BIN1: variants seen among roughly 807,000 people sequenced by gnomAD.
BIN1 encodes bridging integrator 1.
Under a neutral mutation model 82.0 loss-of-function variants are expected in BIN1, and 53 were observed. That is an observed-to-expected ratio of 0.65 (90% CI 0.52 to 0.81). The LOEUF is 0.81. BIN1 is among the 40% of genes least tolerant of loss of function. The pLI is 0.00. For missense variants in BIN1, 642 were observed against 784.4 expected (o/e 0.82, Z 2.17); for synonymous variants, 302 against 328.0 (o/e 0.92, Z 0.86).
At chr2:127,062,319 C>A in intron 9 of BIN1, 122 bp from the exon 10 acceptor site, 1 of 1,004,494 alleles carries the variant, frequency 1.0e-6, no homozygotes, top group Non-Finnish European at 1.5e-6. Flanking sequence ...CTCCTCTTTC[C>A]CCATCTGTGA....
At chr2:127,076,836 T>G in intron 1 of BIN1, 130 bp from the exon 2 acceptor site, 73 of 1,042,018 alleles carry the variant, frequency 7.0e-5, no homozygotes, top group Middle Eastern at 2.9e-4. Context: ...CAGCCCAGGG[T>G]GCCCACCCAG....
Position 127,065,096 on chromosome 2 carries a change from G to A in BIN1, c.613-1078C>T, listed in dbSNP as rs3754613. 5.3e-5 allele frequency among the ~76,000 whole-genome samples: 8 copies of A among 152,302 alleles called. No individual in the cohort carries two copies. The East Asian group carries it at 9.7e-4, about 18-fold the overall frequency. On this transcript the variant is annotated intron_variant, in intron 7 of 18. Transcript: ENST00000316724. ...AAGGCCACTTAACCACAAAGCACAC[G>A]ATTGCCCCAAGCCCAGCCAGCTGTC...
At chr2:127,069,079 G>A (rs765601856) in intron 5 of BIN1, 48 bp from the exon 6 acceptor site, 3 of 1,561,424 alleles carry the variant, frequency 1.9e-6, no homozygotes, top group Non-Finnish European at 2.6e-6. Flanking sequence ...CACCCCTGCT[G>A]AGACTCCAGG....
intron 1 of BIN1, among the ~76,000 whole-genome samples, chr2:127,084,689 C>A (rs1410606751): frequency 6.6e-6 from 1 of 152,248 alleles, no homozygotes; most frequent in East Asian, 1.9e-4. Flanking sequence ...GAAGAAGCGA[C>A]CGAGCTCAGA....
At chr2:127,050,282 G>T in intron 18 of BIN1, 139 bp downstream of exon 18, 1 of 818,284 alleles carries the variant, frequency 1.2e-6, no homozygotes, top group African/African-American at 1.7e-5. Context: ...GGAGGGCGGG[G>T]AGGAGCAGTT....
At chr2:127,052,182 C>G (rs944232595) in intron 15 of BIN1, 73 bp downstream of exon 15, 21 of 1,458,818 alleles carry the variant, frequency 1.4e-5, no homozygotes, top group African/African-American at 2.8e-5. Flanking sequence ...AACCCCTCCT[C>G]GGGGCTCTCC....
At position 127,068,825 on chromosome 2, in the gene BIN1, TG is replaced by T; in HGVS notation, c.519+98del. 2.5e-6 allele frequency: 3 copies of T among 1,220,536 alleles called. No individual in the cohort carries two copies. Among genetic ancestry groups the T allele is most frequent in the Non-Finnish European group, 2.4e-6 (2 of 834,568 alleles). 75.6% of individuals were successfully genotyped at this position (1,220,536 alleles called of 1,614,324 possible). A position where few individuals can be genotyped will look rare whatever the true frequency, so the allele number is the denominator to read the frequency against. On this transcript the variant is annotated intron_variant, in intron 6 of 18. Transcript: ENST00000316724. This position sits in a 1 kb window ranked among gnomAD's most constrained non-coding sequence, Gnocchi z 4.9. ...CGTCCCCACCCCCAGTTCAGCCACC[TG>T]GGGCCAGGCAGGAGGAAGCCTCCAC... is the stretch of plus-strand genomic sequence containing the variant.
intron 1 of BIN1, among the ~76,000 whole-genome samples, chr2:127,083,353 T>C (rs1687547909): frequency 6.6e-6 from 1 of 152,148 alleles, no homozygotes; most frequent in Non-Finnish European, 1.5e-5. Flanking sequence ...GGTGCTGGGA[T>C]TGCAGGTACA....
chr2:127,082,808 C>T lies in BIN1; in HGVS notation c.85-6102G>A, dbSNP rs10194975. ...CCGACAGTGGAGCCACCTAAGCCTG[C>T]TCCCCACCTCTGGGTGGAGAGTCTC... On this transcript the variant is annotated intron_variant, in intron 1 of 18. Transcript: ENST00000316724. This position sits in a 1 kb window ranked among gnomAD's most constrained non-coding sequence, Gnocchi z 6.1. Among the ~76,000 whole-genome samples, 26,190 of 151,614 alleles carry T rather than the reference C, an allele frequency of 0.17. 2,382 individuals carry two copies. The highest frequency in any genetic ancestry group is 0.23 in the South Asian group (1,085 of 4,770).
chr2:127,091,070 T>A (rs1678861580), intron 1 of BIN1, among the ~76,000 whole-genome samples: 1 of 152,176 alleles, frequency 6.6e-6, no homozygotes, highest in African/African-American at 2.4e-5. Flanking sequence ...CTGGAACTAG[T>A]AAATGGTGCC....
In BIN1 at chr2:127,068,927, G is replaced by A; in HGVS notation, c.516C>T (p.Ala172=). 6.2e-7 allele frequency: 1 copy of A among 1,613,958 alleles called. No individual in the cohort carries two copies. The highest frequency in any genetic ancestry group is 8.5e-7 in the Non-Finnish European group (1 of 1,179,828). Residue 172 remains alanine (A), a synonymous_variant, in exon 6 of 19, where the codon GCC becomes GCT. Coordinates refer to ENST00000316724, the MANE Select transcript of BIN1 (RefSeq NM_139343.3). This position sits in a 1 kb window ranked among gnomAD's most constrained non-coding sequence, Gnocchi z 4.9. The stretch of plus-strand genomic sequence containing the variant: ...CCGACCCGCCTCCAGCCCTTACCTT[G>A]GCAATTTTGGCTTCATCCTTCTTTT... The part of the protein sequence containing the change: ...TAKKKDEAKI[A]KPVSLLEKAA...
At chr2:127,075,188 C>A (rs899799894) in intron 2 of BIN1, among the ~76,000 whole-genome samples, 4 of 152,060 alleles carry the variant, frequency 2.6e-5, no homozygotes, top group Non-Finnish European at 5.9e-5. Context: ...ATGTGCTTAA[C>A]TTCTCTGAGC....
At position 127,090,106 on chromosome 2, in the gene BIN1, C is replaced by A. The variant is rs879561796; in HGVS notation, c.85-13400G>T. ...TGGAACAGCATATACCAACCACCCC[C>A]CTTCCTCTCTCCAATCAAGCTCCCC... On this transcript the variant is annotated intron_variant, in intron 1 of 18. Coordinates refer to ENST00000316724, the MANE Select transcript of BIN1 (RefSeq NM_139343.3). The surrounding 1 kb of genome is among the most constrained non-coding windows in gnomAD (Gnocchi z 6.4). 6.6e-6 allele frequency among the ~76,000 whole-genome samples: 1 copy of A among 152,106 alleles called. No homozygotes were observed. Among genetic ancestry groups the A allele is most frequent in the African/African-American group, 2.4e-5 (1 of 41,410 alleles).
Position 127,076,402 on chromosome 2 carries a change from C to A in BIN1, c.165+224G>T, listed in dbSNP as rs181786634. ...CCTCCCCCTCCCCCAACTACCGTTTCTATGTCTCCTACCAAGAACCTAAAG... is the reference window on the plus strand; with the variant it reads ...CCTCCCCCTCCCCCAACTACCGTTTATATGTCTCCTACCAAGAACCTAAAG... On this transcript the variant is annotated intron_variant, in intron 2 of 18. Transcript: ENST00000316724. Among the ~76,000 whole-genome samples, 52 of 121,346 alleles carry A rather than the reference C, an allele frequency of 4.3e-4. 1 individual carries two copies. Among genetic ancestry groups the A allele is most frequent in the African/African-American group, 1.6e-3 (51 of 32,566 alleles). 79.6% of individuals were successfully genotyped at this position (121,346 alleles called of 152,430 possible).
rs367865329 is a variant in BIN1, at chr2:127,090,788, TG to T, written c.85-14083del. On this transcript the variant is annotated intron_variant, in intron 1 of 18. Coordinates refer to ENST00000316724, the MANE Select transcript of BIN1 (RefSeq NM_139343.3). This position sits in a 1 kb window ranked among gnomAD's most constrained non-coding sequence, Gnocchi z 6.4. ...CTTGGGGCCAAGTGAAGGTCTGAGC[TG>T]GGTGGGAAGGCAACAGCCACGGGTC... is the stretch of plus-strand genomic sequence containing the variant. Among the ~76,000 whole-genome samples, 105 of 152,304 alleles carry T rather than the reference TG, an allele frequency of 6.9e-4. 2 individuals carry two copies. The East Asian group carries it at 0.013, about 19-fold the overall frequency.
intron 10 of BIN1, chr2:127,060,653 A>T (rs1684325939): frequency 6.2e-7 from 1 of 1,614,108 alleles, no homozygotes; most frequent in East Asian, 2.2e-5. Flanking sequence ...GTGGGGACGG[A>T]CGGGAGGTGG....
Position 127,090,035 on chromosome 2 carries a change from C to T in BIN1, c.85-13329G>A, listed in dbSNP as rs987715303. On this transcript the variant is annotated intron_variant, in intron 1 of 18. Coordinates refer to ENST00000316724, the MANE Select transcript of BIN1 (RefSeq NM_139343.3). This position sits in a 1 kb window ranked among gnomAD's most constrained non-coding sequence, Gnocchi z 6.4. ...CCTTCCCCGCACCTGCCGCCCAGTG[C>T]ACCTGCTCCTGCGGCTCACAGTCCA... is the stretch of plus-strand genomic sequence containing the variant. 2.0e-5 allele frequency among the ~76,000 whole-genome samples: 3 copies of T among 151,612 alleles called. No individual in the cohort carries two copies. Among genetic ancestry groups the T allele is most frequent in the African/African-American group, 4.9e-5 (2 of 41,228 alleles).
chr2:127,060,716 TC>T, intron 10 of BIN1: 2 of 1,576,178 alleles, frequency 1.3e-6, no homozygotes, highest in Non-Finnish European at 1.7e-6. Context: ...TCCCCTTCCC[TC>T]TTTGCCAACC....
intron 7 of BIN1, among the ~76,000 whole-genome samples, chr2:127,066,114 C>T (rs1490895981): frequency 6.6e-6 from 1 of 152,172 alleles, no homozygotes; most frequent in East Asian, 1.9e-4. Flanking sequence ...TGCACTATCT[C>T]CCCAAAGTCA....
Sources: gnomAD v4.1 joint callset for allele counts (sites outside exome capture counted in the v4.1 genomes callset) on GRCh38, gnomAD v4.1.1 for gene constraint, Gnocchi (gnomAD v3.1) non-coding constraint, MANE v1.5 for transcripts, NCBI Gene and HGNC (gene_info 2026-07-23, HGNC 2026-07-21) for gene names.